The following SLC66A3 variants were observed in gnomAD, a reference collection of about 807,000 sequenced individuals.
SLC66A3 encodes the protein PQ loop repeat containing 3.
A neutral mutation model predicts 25.5 loss-of-function variants in SLC66A3; 23 were observed. The ratio of observed to expected loss-of-function variants is 0.90; its 90% CI spans 0.65 to 1.28. SLC66A3 has a LOEUF of 1.28. Ranked by LOEUF, SLC66A3 falls within the 50% of genes most tolerant of loss-of-function variation. The pLI, the probability that SLC66A3 is intolerant of heterozygous loss-of-function variation, is 0.00. For missense variants in SLC66A3, 246 were observed against 262.1 expected (o/e 0.94, Z 0.42); for synonymous variants, 108 against 112.6 (o/e 0.96, Z 0.26).
chr2:11,163,513 C>CA (rs1163062265), intron 3 of SLC66A3, among the ~76,000 whole-genome samples: 1 of 152,216 alleles, frequency 6.6e-6, no homozygotes, highest in African/African-American at 2.4e-5. Context: ...ATTATAATAA[C>CA]AGCAGTCTCT....
At chr2:11,173,784 G>C (rs111610015) in intron 5 of SLC66A3, among the ~76,000 whole-genome samples, 1 of 152,020 alleles carries the variant, frequency 6.6e-6, no homozygotes, top group African/African-American at 2.4e-5. Context: ...CTTGTGTGTC[G>C]GTTTAAACTG....
rs370419394 is a variant in SLC66A3 at position 11,160,596 on chromosome 2, C to G, written c.227-29C>G. 2.5e-6 allele frequency: 4 copies of G among 1,614,046 alleles called. No homozygotes were observed. In the South Asian group the frequency reaches 4.4e-5, roughly 18 times the overall value. On this transcript the variant is annotated intron_variant, in intron 2 of 6. Transcript: ENST00000295083. ...GCGGACTGCCACGGGTCTCCCCTTCCCCCCTCACTCGGAGCCTCTCTCTTT... is the reference window on the plus strand; with the variant it reads ...GCGGACTGCCACGGGTCTCCCCTTCGCCCCTCACTCGGAGCCTCTCTCTTT...
At chr2:11,172,136 C>A in intron 5 of SLC66A3, 91 bp downstream of exon 5, 3 of 1,281,652 alleles carry the variant, frequency 2.3e-6, no homozygotes, top group South Asian at 1.4e-5. Context: ...GTAACATGGT[C>A]CCTGGCGCTT....
intron 4 of SLC66A3, among the ~76,000 whole-genome samples, chr2:11,171,332 C>CTAAA (rs1344873981): frequency 6.6e-6 from 1 of 151,832 alleles, no homozygotes; most frequent in Non-Finnish European, 1.5e-5. Flanking sequence ...AACTAACTAA[C>CTAAA]TAAATAAATG....
Position 11,171,991 on chromosome 2 carries a change from G to A in SLC66A3, c.421G>A (p.Asp141Asn). Residue 141 changes from aspartate to asparagine, a missense_variant, in exon 5 of 7, where the codon GAC becomes AAC. By Grantham distance (23) the Asp-to-Asn change is conservative. This residue lies in a region of SLC66A3 where 93 missense variants were observed against 102.6 expected (regional missense o/e 0.91). Coordinates refer to ENST00000295083, the MANE Select transcript of SLC66A3 (RefSeq NM_152391.5). ...AQLQCLWKTR[D>N]SGTVSALTWS... ...GCTCCAGTGTCTGTGGAAGACGAGA[G>A]ACTCAGGAACTGTGAGTGCGCTGAC... is the stretch of plus-strand genomic sequence containing the variant. 6.2e-7 allele frequency: 1 copy of A among 1,614,126 alleles called. No homozygotes were observed. Among genetic ancestry groups the A allele is most frequent in the South Asian group, 1.1e-5 (1 of 91,068 alleles).
chr2:11,165,399 G>A (rs533993460), intron 4 of SLC66A3, among the ~76,000 whole-genome samples: 1 of 149,676 alleles, frequency 6.7e-6, no homozygotes, highest in South Asian at 2.1e-4. Context: ...GCCGGGAAGA[G>A]GTGCTCCTCA....
At chr2:11,175,495 G>A (rs1449182687) in intron 6 of SLC66A3, among the ~76,000 whole-genome samples, 3 of 152,198 alleles carry the variant, frequency 2.0e-5, no homozygotes, top group African/African-American at 7.2e-5. Context: ...ATGAGCGAAG[G>A]ACAAAGGGCT....
intron 4 of SLC66A3, among the ~76,000 whole-genome samples, chr2:11,165,589 A>G: frequency 6.6e-6 from 1 of 150,896 alleles, no homozygotes; most frequent in African/African-American, 2.4e-5. Flanking sequence ...CCAGGCAGAG[A>G]CGCTCCTCAC....
chr2:11,164,550 T>A (rs930305790), intron 4 of SLC66A3, among the ~76,000 whole-genome samples: 6 of 151,250 alleles, frequency 4.0e-5, no homozygotes, highest in Non-Finnish European at 7.4e-5. Flanking sequence ...CTTTTTTTTT[T>A]AGTATTTATT....
At chr2:11,166,458 T>C (rs771419332) in intron 4 of SLC66A3, among the ~76,000 whole-genome samples, 50 of 152,214 alleles carry the variant, frequency 3.3e-4, no homozygotes, top group Non-Finnish European at 6.6e-4. Context: ...TCTTTCCCCT[T>C]TCCCCCAACA....
chr2:11,169,740 C>G (rs1207066865), intron 4 of SLC66A3, among the ~76,000 whole-genome samples: 1 of 152,092 alleles, frequency 6.6e-6, no homozygotes, highest in African/African-American at 2.4e-5. Flanking sequence ...CTGCCCCTCT[C>G]CCACCTTCAT....
chr2:11,169,995 C>T (rs1369099506), intron 4 of SLC66A3, among the ~76,000 whole-genome samples: 1 of 151,996 alleles, frequency 6.6e-6, no homozygotes. Flanking sequence ...CGTGCCACCA[C>T]ACCCAGCTAA....
intron 4 of SLC66A3, among the ~76,000 whole-genome samples, chr2:11,164,756 C>T (rs1014520306): frequency 1.4e-4 from 21 of 152,052 alleles, no homozygotes; most frequent in Admixed American, 9.8e-4. Context: ...AGCCTGCTGC[C>T]TTCAAGCATC....
chr2:11,159,680 G>A (rs897831865), intron 1 of SLC66A3, among the ~76,000 whole-genome samples: 9 of 152,124 alleles, frequency 5.9e-5, no homozygotes, highest in Non-Finnish European at 1.2e-4. Context: ...CCTGACCTGA[G>A]TGGTCTGAAC....
At chr2:11,171,468 A>G (rs942122680) in intron 4 of SLC66A3, among the ~76,000 whole-genome samples, 3 of 152,032 alleles carry the variant, frequency 2.0e-5, no homozygotes, top group African/African-American at 7.3e-5. Flanking sequence ...ATGTCTCACT[A>G]TTGCATTACT....
At chr2:11,162,731 C>T (rs1251055576) in intron 3 of SLC66A3, among the ~76,000 whole-genome samples, 1 of 152,136 alleles carries the variant, frequency 6.6e-6, no homozygotes, top group African/African-American at 2.4e-5. Flanking sequence ...CTCAGCCTCC[C>T]GAGTAGCTGG....
At chr2:11,176,517 G>A (rs1455861145) in intron 6 of SLC66A3, among the ~76,000 whole-genome samples, 1 of 146,320 alleles carries the variant, frequency 6.8e-6, no homozygotes, top group African/African-American at 2.5e-5. Flanking sequence ...CGCCCGGCCT[G>A]GGAATAACTT....
rs202028359 is a variant in SLC66A3 at position 11,177,836 on chromosome 2, A to G, written c.*8A>G. On this transcript the variant is annotated 3_prime_UTR_variant, in exon 7 of 7. Coordinates refer to ENST00000295083, the MANE Select transcript of SLC66A3 (RefSeq NM_152391.5). The stretch of plus-strand genomic sequence containing the variant: ...GCTATAAAGGCTGAATGATGGATAC[A>G]TTATTCCTTCACACAGTGGATTTTG... 10 of 1,534,124 alleles carry G rather than the reference A, an allele frequency of 6.5e-6. No individual in the cohort carries two copies. The highest frequency in any genetic ancestry group is 2.7e-5 in the African/African-American group (2 of 73,418).
At chr2:11,156,559 T>G in intron 1 of SLC66A3, among the ~76,000 whole-genome samples, 2 of 149,960 alleles carry the variant, frequency 1.3e-5, no homozygotes. Flanking sequence ...GCATACAGGA[T>G]GGGAAGAAGC....
Sources: gnomAD v4.1 joint callset for allele counts (sites outside exome capture counted in the v4.1 genomes callset) on GRCh38, gnomAD v4.1.1 for gene constraint, gnomAD v4.1.1 regional missense constraint, MANE v1.5 for transcripts, NCBI Gene and HGNC (gene_info 2026-07-23, HGNC 2026-07-21) for gene names.